SPATA21: variants seen among roughly 807,000 people sequenced by gnomAD.
SPATA21 encodes spermatogenesis-associated protein 21.
A neutral mutation model predicts 54.8 loss-of-function variants in SPATA21; 47 were observed. The ratio of observed to expected loss-of-function variants is 0.86; its 90% CI spans 0.68 to 1.09. The LOEUF is 1.09. SPATA21 is among the 50% of genes least tolerant of loss of function. SPATA21 has a pLI of 0.00. For missense variants in SPATA21, 599 were observed against 596.4 expected, an observed-to-expected ratio of 1.00 and a Z score of -0.05; for synonymous variants, 245 against 235.3, an observed-to-expected ratio of 1.04 and a Z score of -0.38.
chr1:16,396,775 A>G (rs1354876413), downstream of SPATA21: 1 of 152,324 alleles, frequency 6.6e-6, no homozygotes, highest in Non-Finnish European at 1.5e-5. Context: ...AGGCCCAGTA[A>G]GCCATGCCCC....
chr1:16,424,251 T>C (rs1224295578), intron 3 of SPATA21, among the ~76,000 whole-genome samples: 1 of 121,892 alleles, frequency 8.2e-6, no homozygotes, highest in African/African-American at 3.2e-5. Context: ...AGGCAGAGCT[T>C]GCAGTGAGCC....
chr1:16,418,797 C>G (rs896826681), intron 5 of SPATA21, among the ~76,000 whole-genome samples: 9 of 152,212 alleles, frequency 5.9e-5, no homozygotes, highest in African/African-American at 1.9e-4. Flanking sequence ...TTGCCTCGGC[C>G]TCCCAAAGTG....
intron 7 of SPATA21, among the ~76,000 whole-genome samples, chr1:16,406,774 G>GAC (rs1197749117): frequency 6.6e-6 from 1 of 152,036 alleles, no homozygotes; most frequent in Non-Finnish European, 1.5e-5. Context: ...CGCAAATTTG[G>GAC]ACACACACAG....
intron 3 of SPATA21, chr1:16,427,820 G>T: frequency 6.6e-7 from 1 of 1,515,996 alleles, no homozygotes; most frequent in South Asian, 1.2e-5. Flanking sequence ...GGGCTACAGG[G>T]GGTTCTCTCT....
chr1:16,435,265 T>C (rs1196422368), intron 1 of SPATA21, among the ~76,000 whole-genome samples: 1 of 152,184 alleles, frequency 6.6e-6, no homozygotes. Flanking sequence ...GACATCTTCA[T>C]GTGCTTATTG....
chr1:16,397,608 T>C (rs2085333805), downstream of SPATA21: 2 of 152,412 alleles, frequency 1.3e-5, no homozygotes, highest in Admixed American at 1.3e-4. The surrounding 1 kb of genome is among the most constrained non-coding windows in gnomAD (Gnocchi z 5.4). Flanking sequence ...CCTGACCCCA[T>C]GGGCCAGGCC....
Position 16,428,831 on chromosome 1 carries a change from G to A in SPATA21, c.34+2507C>T, listed in dbSNP as rs1227189178. 6.6e-6 allele frequency among the ~76,000 whole-genome samples: 1 copy of A among 152,204 alleles called. No homozygotes were observed. Among genetic ancestry groups the A allele is most frequent in the African/African-American group, 2.4e-5 (1 of 41,452 alleles). On this transcript the variant is annotated intron_variant, in intron 3 of 12. Transcript: ENST00000335496. This position sits in a 1 kb window ranked among gnomAD's most constrained non-coding sequence, Gnocchi z 4.3. ...TGACATTGATATAATACAAGATTCT[G>A]ATGTGAGCTAATACTAACAGGCACC...
chr1:16,397,211 A>T (rs2085326747), downstream of SPATA21: 1 of 152,252 alleles, frequency 6.6e-6, no homozygotes. This position sits in a 1 kb window ranked among gnomAD's most constrained non-coding sequence, Gnocchi z 5.4. Flanking sequence ...TGGATTGAGG[A>T]TGTGGCAGGG....
intron 5 of SPATA21, among the ~76,000 whole-genome samples, chr1:16,420,837 AG>A (rs2086151441): frequency 6.6e-6 from 1 of 151,504 alleles, no homozygotes; most frequent in Non-Finnish European, 1.5e-5. Flanking sequence ...GAGCGGAGGG[AG>A]GGCGGTGTGG....
At chr1:16,418,163 C>A (rs1489354639) in intron 5 of SPATA21, among the ~76,000 whole-genome samples, 3 of 152,252 alleles carry the variant, frequency 2.0e-5, no homozygotes, top group Non-Finnish European at 4.4e-5. Context: ...ATTGTGCCCT[C>A]TCCTCTTCTC....
chr1:16,425,080 G>A lies in SPATA21; in HGVS notation c.35-3109C>T, dbSNP rs1257626639. On this transcript the variant is annotated intron_variant, in intron 3 of 12. Transcript: ENST00000335496. ...ATTACAGGCATGTGCCACCACACCCGGCTAATTTTATATTTTTTAGTAGAG... is the reference window on the plus strand; with the variant it reads ...ATTACAGGCATGTGCCACCACACCCAGCTAATTTTATATTTTTTAGTAGAG... 9 of 359,330 alleles carry A rather than the reference G, an allele frequency of 2.5e-5. 1 individual carries two copies. Among genetic ancestry groups the A allele is most frequent in the East Asian group, 8.5e-5 (1 of 11,708 alleles). 22.3% of individuals were successfully genotyped at this position (359,330 alleles called of 1,614,324 possible).
At position 16,409,673 on chromosome 1, in the gene SPATA21, A is replaced by C; in HGVS notation, c.515T>G (p.Leu172Arg). Reference protein sequence around the residue: ...MPCPVLLGPALDLGWRRMELL... With the variant: ...MPCPVLLGPARDLGWRRMELL... ...TTCCATCCTTCTCCAGCCCAGGTCCAGGGCAGGGCCCAGCAGGACAGGGCA... is the reference window on the plus strand; with the variant it reads ...TTCCATCCTTCTCCAGCCCAGGTCCCGGGCAGGGCCCAGCAGGACAGGGCA... The change falls in exon 6 of 13, where the codon CTG becomes CGG. Residue 172 changes from leucine to arginine, a missense_variant. Physicochemically the swap from Leu to Arg is moderately radical, Grantham distance 102. Coordinates refer to ENST00000335496, the MANE Select transcript of SPATA21 (RefSeq NM_198546.1). This position sits in a 1 kb window ranked among gnomAD's most constrained non-coding sequence, Gnocchi z 4.1. The C allele has an allele frequency of 1.2e-6, 2 of 1,613,444 alleles. No individual in the cohort carries two copies. Among genetic ancestry groups the C allele is most frequent in the Non-Finnish European group, 1.7e-6 (2 of 1,179,978 alleles).
intron 5 of SPATA21, among the ~76,000 whole-genome samples, chr1:16,414,577 C>T (rs1016141481): frequency 1.6e-4 from 24 of 152,006 alleles, no homozygotes; most frequent in Non-Finnish European, 1.2e-4. Flanking sequence ...ACAGAGTAAA[C>T]GCTCAACAAA....
intron 7 of SPATA21, among the ~76,000 whole-genome samples, chr1:16,406,418 C>T (rs766820961): frequency 6.6e-6 from 1 of 152,170 alleles, no homozygotes; most frequent in African/African-American, 2.4e-5. Context: ...AGGGTGGGCC[C>T]TAATCCAATC....
At chr1:16,432,111 CTT>C (rs2086473034) in intron 2 of SPATA21, among the ~76,000 whole-genome samples, 1 of 128,626 alleles carries the variant, frequency 7.8e-6, no homozygotes, top group South Asian at 2.3e-4. Flanking sequence ...TCTTCTTCTT[CTT>C]CTTTTTTTTT....
At chr1:16,408,167 G>A (rs774563320) in intron 7 of SPATA21, among the ~76,000 whole-genome samples, 101 of 152,156 alleles carry the variant, frequency 6.6e-4, no homozygotes, top group Non-Finnish European at 1.3e-3. Context: ...GGCCGCTGTG[G>A]CCAAGAGGGT....
chr1:16,399,913 C>T (rs1357851632), intron 11 of SPATA21, among the ~76,000 whole-genome samples: 2 of 152,194 alleles, frequency 1.3e-5, no homozygotes, highest in African/African-American at 4.8e-5. Flanking sequence ...GGAAGGGAGG[C>T]AGGCTTGCCC....
chr1:16,437,150 CAGTG>C lies in SPATA21; in HGVS notation c.-213_-210del, dbSNP rs2086606632. 1 of 152,304 alleles carries C rather than the reference CAGTG, an allele frequency of 6.6e-6. No homozygotes were observed. The allele number at this position is 152,304 out of a possible 1,614,324, so 9.4% of individuals were successfully genotyped here. Reference sequence around the variant, plus strand: ...TACCAGAAATCAGCTGGATGAGTCACAGTGAGATTTTCCACCCCTGCTCACCGCC... The same window carrying C: ...TACCAGAAATCAGCTGGATGAGTCACAGATTTTCCACCCCTGCTCACCGCC... On this transcript the variant is annotated 5_prime_UTR_variant, in exon 1 of 13. An upstream open reading frame in the 5' UTR loses its in-frame stop. Coordinates refer to ENST00000335496, the MANE Select transcript of SPATA21 (RefSeq NM_198546.1).
At chr1:16,437,772 C>T (rs1408379492), upstream of SPATA21, among the ~76,000 whole-genome samples, 1 of 152,150 alleles carries the variant, frequency 6.6e-6, no homozygotes, top group Non-Finnish European at 1.5e-5. Flanking sequence ...CTCTGAATGG[C>T]TGGGTGCGGT....
Sources: gnomAD v4.1 joint callset for allele counts (sites outside exome capture counted in the v4.1 genomes callset) on GRCh38, gnomAD v4.1.1 for gene constraint, Gnocchi (gnomAD v3.1) non-coding constraint, MANE v1.5 for transcripts, NCBI Gene and HGNC (gene_info 2026-07-23, HGNC 2026-07-21) for gene names.